STXBP5: variants seen among roughly 807,000 people sequenced by gnomAD.
STXBP5 encodes the protein syntaxin-binding protein 5.
In STXBP5, 50 loss-of-function variants were observed where a neutral mutation model predicts 152.4. The ratio of observed to expected loss-of-function variants is 0.33; its 90% CI spans 0.26 to 0.42. The LOEUF is 0.42. Ranked by LOEUF, STXBP5 falls within the 10% of genes least tolerant of loss-of-function variation. STXBP5 has a pLI of 1.00. For missense variants in STXBP5, 1,167 were observed against 1,388.6 expected, an observed-to-expected ratio of 0.84 and a Z score of 2.54; for synonymous variants, 492 against 494.7, an observed-to-expected ratio of 0.99 and a Z score of 0.07.
chr6:147,363,571 C>T lies in STXBP5; in HGVS notation c.2782C>T (p.Leu928=), dbSNP rs1785161507. The T allele has an allele frequency of 6.2e-7, 1 of 1,614,068 alleles. No individual in the cohort carries two copies. Among genetic ancestry groups the T allele is most frequent in the Admixed American group, 1.7e-5 (1 of 60,004 alleles). ...TGAAAAGCAAGCAAAAGTAATCTCACTGCCAACCCAGAACTGTGCTTATAA... is the reference window on the plus strand; with the variant it reads ...TGAAAAGCAAGCAAAAGTAATCTCATTGCCAACCCAGAACTGTGCTTATAA... ...CSEKQAKVIS[L]PTQNCAYKQN... is the part of the protein sequence containing the mutation. Residue 928 remains leucine, a synonymous_variant, in exon 24 of 28, where the codon CTG becomes TTG. Transcript: ENST00000321680.
At chr6:147,262,265 A>C in intron 5 of STXBP5, 25 bp from the exon 6 acceptor site, 1 of 1,480,386 alleles carries the variant, frequency 6.8e-7, no homozygotes, top group Non-Finnish European at 9.1e-7. Flanking sequence ...TGAAGAGAAA[A>C]TCTTACTAAC....
At position 147,353,956 on chromosome 6, in the gene STXBP5, T is replaced by C. The variant is rs575832904; in HGVS notation, c.2305+583T>C. 5.9e-3 allele frequency among the ~76,000 whole-genome samples: 903 copies of C among 152,268 alleles called. 7 individuals carry two copies. The highest frequency in any genetic ancestry group is 8.4e-3 in the Admixed American group (129 of 15,290). On this transcript the variant is annotated intron_variant, in intron 22 of 27. Transcript: ENST00000321680. ...CCACGAACAGCACCTTGATATCACATAGGGACAAATGACATTTCAAAAAAG... is the reference window on the plus strand; with the variant it reads ...CCACGAACAGCACCTTGATATCACACAGGGACAAATGACATTTCAAAAAAG...
At chr6:147,205,488 G>T (rs1184984464) in intron 1 of STXBP5, among the ~76,000 whole-genome samples, 2 of 151,884 alleles carry the variant, frequency 1.3e-5, no homozygotes, top group African/African-American at 4.8e-5. Flanking sequence ...AGTGTAAAAT[G>T]TTGGGATAGA....
intron 16 of STXBP5, among the ~76,000 whole-genome samples, chr6:147,321,070 A>G (rs1328627734): frequency 1.3e-5 from 2 of 152,222 alleles, no homozygotes; most frequent in Admixed American, 1.3e-4. Flanking sequence ...GACATAAAGT[A>G]CAAGTTTTGG....
chr6:147,337,403 A>T (rs771590768), intron 19 of STXBP5, among the ~76,000 whole-genome samples: 3 of 152,070 alleles, frequency 2.0e-5, no homozygotes, highest in Non-Finnish European at 4.4e-5. Flanking sequence ...ATATATTCAA[A>T]TAGGATAAGC....
intron 2 of STXBP5, among the ~76,000 whole-genome samples, chr6:147,233,135 A>G (rs1030929603): frequency 4.0e-5 from 6 of 151,720 alleles, no homozygotes; most frequent in Non-Finnish European, 7.4e-5. Flanking sequence ...TGAAGTACAA[A>G]TGCCAAAAGA....
intron 18 of STXBP5, chr6:147,328,811 T>A (rs1582952016): frequency 2.1e-6 from 1 of 466,910 alleles, no homozygotes; most frequent in East Asian, 7.0e-5. Context: ...GGCATGTTTG[T>A]TCTTTGTAAA....
chr6:147,213,444 G>A (rs1403458721), intron 2 of STXBP5, among the ~76,000 whole-genome samples: 3 of 104,418 alleles, frequency 2.9e-5, no homozygotes, highest in Non-Finnish European at 4.4e-5. Context: ...ATGTGTGTGT[G>A]TGTGTGTGTG....
At chr6:147,213,663 G>A (rs748525999) in intron 2 of STXBP5, among the ~76,000 whole-genome samples, 1 of 152,044 alleles carries the variant, frequency 6.6e-6, no homozygotes, top group East Asian at 1.9e-4. Flanking sequence ...GTAATAATTA[G>A]TAATAATCAG....
rs1040498231 is a variant in STXBP5 at position 147,339,330 on chromosome 6, T to C, written c.2207-7T>C. 1 of 1,512,084 alleles carries C rather than the reference T, an allele frequency of 6.6e-7. No individual in the cohort carries two copies. Among genetic ancestry groups the C allele is most frequent in the South Asian group, 1.3e-5 (1 of 75,422 alleles). 93.7% of individuals were successfully genotyped at this position (1,512,084 alleles called of 1,614,324 possible). A position where few individuals can be genotyped will look rare whatever the true frequency, so the allele number is the denominator to read the frequency against. ...TTTGACATTTTATATCAAAATATTG[T>C]TTTCAGTGAAGACCAAAAGCAGAAA... is the stretch of plus-strand genomic sequence containing the variant. On this transcript the variant is annotated splice_polypyrimidine_tract_variant and splice_region_variant and intron_variant, in intron 20 of 27. Transcript: ENST00000321680.
chr6:147,227,971 A>G (rs1005898235), intron 2 of STXBP5, among the ~76,000 whole-genome samples: 1 of 152,148 alleles, frequency 6.6e-6, no homozygotes, highest in African/African-American at 2.4e-5. Flanking sequence ...GGATGGAGTC[A>G]CATCTCTGGA....
intron 2 of STXBP5, among the ~76,000 whole-genome samples, chr6:147,214,275 T>C (rs1777046894): frequency 2.0e-5 from 3 of 152,338 alleles, no homozygotes; most frequent in Middle Eastern, 3.4e-3. Flanking sequence ...ATTGCCATCA[T>C]CTACTTTCAG....
chr6:147,268,149 T>C (rs1779984004), intron 7 of STXBP5, among the ~76,000 whole-genome samples: 1 of 152,216 alleles, frequency 6.6e-6, no homozygotes, highest in East Asian at 1.9e-4. Context: ...ATATTTGATA[T>C]ACTTCAATCC....
chr6:147,372,520 C>T (rs1785608288), intron 25 of STXBP5, among the ~76,000 whole-genome samples: 1 of 136,570 alleles, frequency 7.3e-6, no homozygotes, highest in Non-Finnish European at 1.5e-5. Flanking sequence ...CTGCAACTTC[C>T]GCCTCCCGGG....
At position 147,387,743 on chromosome 6, in the gene STXBP5, A is replaced by G. The variant is rs1190890876; in HGVS notation, c.*2988A>G. On this transcript the variant is annotated 3_prime_UTR_variant, in exon 28 of 28. Transcript: ENST00000321680. ...CTTGTCTATGTTATTATGTGTAAGT[A>G]TATTACAATTTAATTAAGTACAATA... 6.6e-6 allele frequency: 1 copy of G among 151,742 alleles called. No homozygotes were observed. Among genetic ancestry groups the G allele is most frequent in the Non-Finnish European group, 1.5e-5 (1 of 67,762 alleles). The allele number at this position is 151,742 out of a possible 1,614,324, so 9.4% of individuals were successfully genotyped here. A position where few individuals can be genotyped will look rare whatever the true frequency, so the allele number is the denominator to read the frequency against.
chr6:147,347,815 G>A (rs1331993258), intron 21 of STXBP5, among the ~76,000 whole-genome samples: 7 of 152,238 alleles, frequency 4.6e-5, no homozygotes. Context: ...TAGATGTAAG[G>A]AAAAGCAAAT....
At chr6:147,383,094 G>T (rs1404870721) in intron 27 of STXBP5, 96 bp downstream of exon 27, 1 of 1,376,448 alleles carries the variant, frequency 7.3e-7, no homozygotes, top group Non-Finnish European at 9.9e-7. Flanking sequence ...CTACACCCAT[G>T]AATTTGCATA....
rs967248816 is a variant in STXBP5, at chr6:147,334,082, T to C, written c.2081-75T>C. The C allele has an allele frequency of 4.2e-6, 6 of 1,414,716 alleles. No individual in the cohort carries two copies. The African/African-American group carries it at 5.7e-5, about 13-fold the overall frequency. The allele number at this position is 1,414,716 out of a possible 1,614,324, so 87.6% of individuals were successfully genotyped here. ...CTTTTAAATGGACAGTAGTTAAATGTGTACTATAAATAAAAGACAAAACTG... is the reference window on the plus strand; with the variant it reads ...CTTTTAAATGGACAGTAGTTAAATGCGTACTATAAATAAAAGACAAAACTG... On this transcript the variant is annotated intron_variant, in intron 18 of 27. Transcript: ENST00000321680.
chr6:147,344,802 C>CTTAA lies in STXBP5; in HGVS notation c.2254+5419_2254+5420insTAAT, dbSNP rs199655508. Among the ~76,000 whole-genome samples the CTTAA allele has an allele frequency of 1.2e-3, 175 of 151,958 alleles. 1 individual carries two copies. The highest frequency in any genetic ancestry group is 3.9e-3 in the African/African-American group (161 of 41,428). On this transcript the variant is annotated intron_variant, in intron 21 of 27. Transcript: ENST00000321680. Reference sequence around the variant, plus strand: ...CAAGGATACAATTCATTCCGTAACACTGTGTTAGGTTTATGTAATACCTTG... The same window carrying CTTAA: ...CAAGGATACAATTCATTCCGTAACACTTAATGTGTTAGGTTTATGTAATACCTTG...
Sources: allele counts gnomAD v4.1 joint callset (sites outside exome capture counted in the v4.1 genomes callset), GRCh38; gene constraint gnomAD v4.1.1; transcripts MANE v1.5; gene names NCBI Gene and HGNC (gene_info 2026-07-23, HGNC 2026-07-21).